ANO3: variants seen among roughly 807,000 people sequenced by gnomAD.
The protein encoded by ANO3 is anoctamin-3.
Under a neutral mutation model 144.8 loss-of-function variants are expected in ANO3, and 99 were observed. That is an observed-to-expected ratio of 0.68 (90% CI 0.58 to 0.81). ANO3 has a LOEUF of 0.81. Ranked by LOEUF, ANO3 falls within the 30% of genes least tolerant of loss-of-function variation. The probability of loss-of-function intolerance (pLI) is 0.00; values close to 1 mark genes in which losing one functional copy is unlikely to be tolerated. For missense variants in ANO3, 905 were observed against 1,202.2 expected, an observed-to-expected ratio of 0.75 and a Z score of 3.66; for synonymous variants, 414 against 392.6, an observed-to-expected ratio of 1.05 and a Z score of -0.64.
intron 1 of ANO3, among the ~76,000 whole-genome samples, chr11:26,257,824 A>T (rs2133824659): frequency 6.6e-6 from 1 of 152,304 alleles, no homozygotes; most frequent in South Asian, 2.1e-4. Flanking sequence ...GGAGAGAAAA[A>T]TAAATATCTA....
chr11:26,578,393 C>T (rs1455584579), intron 14 of ANO3, among the ~76,000 whole-genome samples: 1 of 152,170 alleles, frequency 6.6e-6, no homozygotes, highest in Non-Finnish European at 1.5e-5. Context: ...AGACAAAGAG[C>T]TATCACTTGA....
At chr11:26,641,794 G>C in intron 21 of ANO3, 102 bp from the exon 22 acceptor site, 1 of 1,196,758 alleles carries the variant, frequency 8.4e-7, no homozygotes, top group Non-Finnish European at 1.1e-6. Flanking sequence ...CTCCAATTCC[G>C]AGGAGCTGGA....
intron 18 of ANO3, among the ~76,000 whole-genome samples, 180 bp downstream of exon 18, chr11:26,624,678 T>C (rs1259627515): frequency 6.6e-6 from 1 of 152,192 alleles, no homozygotes; most frequent in African/African-American, 2.4e-5. Flanking sequence ...AGAGAGACAA[T>C]GCATGTAGTT....
intron 1 of ANO3, among the ~76,000 whole-genome samples, chr11:26,291,818 C>T (rs755419358): frequency 3.2e-4 from 49 of 152,110 alleles, no homozygotes; most frequent in Non-Finnish European, 6.2e-4. Flanking sequence ...GTAACTCGAC[C>T]TTTCTCTCTG....
At chr11:26,430,889 A>G (rs921996463) in intron 1 of ANO3, among the ~76,000 whole-genome samples, 2 of 152,232 alleles carry the variant, frequency 1.3e-5, no homozygotes, top group Non-Finnish European at 2.9e-5. Flanking sequence ...AAAATTTTCA[A>G]GGAATTGCAC....
chr11:26,643,868 C>T (rs1389817706), intron 23 of ANO3, among the ~76,000 whole-genome samples: 1 of 152,168 alleles, frequency 6.6e-6, no homozygotes, highest in Non-Finnish European at 1.5e-5. Context: ...TTTCGCTTTC[C>T]TACCTTCTGC....
In ANO3 at chr11:26,407,062, G is replaced by GTATATA. The variant is rs1293215860; in HGVS notation, c.47-34855_47-34854insATATAT. ...TATATATATGGGTGTGTGTGTGTGT[G>GTATATA]TGTGTGTGTGTGTGTATATATATAT... On this transcript the variant is annotated intron_variant, in intron 1 of 26. Transcript: ENST00000256737. Among the ~76,000 whole-genome samples the GTATATA allele has an allele frequency of 3.0e-3, 190 of 64,160 alleles. 1 individual carries two copies. Among genetic ancestry groups the GTATATA allele is most frequent in the Middle Eastern group, 0.012 (1 of 86 alleles). 42.1% of individuals were successfully genotyped at this position (64,160 alleles called of 152,430 possible).
At chr11:26,473,718 G>T (rs1318678) in intron 4 of ANO3, among the ~76,000 whole-genome samples, 322 of 151,630 alleles carry the variant, frequency 2.1e-3, no homozygotes, top group African/African-American at 7.4e-3. Flanking sequence ...ATTAATAATT[G>T]ACAGTAAAAT....
intron 1 of ANO3, among the ~76,000 whole-genome samples, chr11:26,228,586 A>T (rs978870198): frequency 1.3e-5 from 2 of 152,154 alleles, no homozygotes; most frequent in African/African-American, 4.8e-5. Context: ...AGGAATTGAG[A>T]TGAAGAAGTT....
intron 5 of ANO3, among the ~76,000 whole-genome samples, chr11:26,512,463 G>T (rs892071015): frequency 6.6e-6 from 1 of 152,016 alleles, no homozygotes; most frequent in Non-Finnish European, 1.5e-5. Flanking sequence ...CATCATCCCC[G>T]CACCAGCCCC....
At chr11:26,378,410 A>C (rs1856476158) in intron 1 of ANO3, among the ~76,000 whole-genome samples, 2 of 53,122 alleles carry the variant, frequency 3.8e-5, no homozygotes, top group Admixed American at 3.1e-4. Context: ...ATCTATCTAT[A>C]TATATTATTT....
intron 1 of ANO3, among the ~76,000 whole-genome samples, chr11:26,405,328 C>T (rs1000087413): frequency 6.6e-6 from 1 of 151,800 alleles, no homozygotes; most frequent in Non-Finnish European, 1.5e-5. Context: ...AGCTTCCATT[C>T]TTCATCTCAC....
At chr11:26,468,144 G>C (rs7119659) in intron 4 of ANO3, among the ~76,000 whole-genome samples, 39,724 of 151,648 alleles carry the variant, frequency 0.26, 5,535 homozygotes, top group South Asian at 0.4. Context: ...CAATTTACAG[G>C]GATTATCTAT....
intron 1 of ANO3, among the ~76,000 whole-genome samples, chr11:26,345,581 C>T (rs992067907): frequency 2.0e-5 from 3 of 151,978 alleles, no homozygotes; most frequent in Non-Finnish European, 4.4e-5. Flanking sequence ...CAAAAAATAT[C>T]CTTGATGTGA....
rs72470838 is a variant in ANO3 at position 26,316,678 on chromosome 11, C to T, written c.-3+6959C>T. Among the ~76,000 whole-genome samples the T allele has an allele frequency of 8.3e-4, 126 of 152,260 alleles. 2 individuals carry two copies. The East Asian group carries it at 0.024, about 28-fold the overall frequency. On this transcript the variant is annotated intron_variant, in intron 1 of 26. Transcript: ENST00000525139. ...TGGCAAGGTAAGTGTGTTTATAGCC[C>T]TATCTTATCCATATGAACAGGTGCC...
At chr11:26,411,432 A>C (rs1857429199) in intron 1 of ANO3, among the ~76,000 whole-genome samples, 1 of 151,948 alleles carries the variant, frequency 6.6e-6, no homozygotes, top group Non-Finnish European at 1.5e-5. Flanking sequence ...AATTTTCTGA[A>C]GGCATGCCAG....
chr11:26,215,405 T>C (rs1194779954), intron 1 of ANO3, among the ~76,000 whole-genome samples: 1 of 152,054 alleles, frequency 6.6e-6, no homozygotes, highest in African/African-American at 2.4e-5. Flanking sequence ...CTGGGAGCTG[T>C]TTCAGTTGGC....
chr11:26,236,678 C>T (rs1033305595), intron 1 of ANO3, among the ~76,000 whole-genome samples: 3 of 151,850 alleles, frequency 2.0e-5, no homozygotes, highest in Non-Finnish European at 2.9e-5. Context: ...ATTAGCCGGG[C>T]ATGGTGGCGG....
chr11:26,329,315 CACACACACACACAGAGAG>C (rs375413206), upstream of ANO3, among the ~76,000 whole-genome samples: 5,191 of 83,352 alleles, frequency 0.062, 316 homozygotes, highest in African/African-American at 0.13. Context: ...CACACACACA[CACACACACACACAGAGAG>C]AGAGAGAGAG....
Sources: allele counts gnomAD v4.1 joint callset (sites outside exome capture counted in the v4.1 genomes callset), GRCh38; gene constraint gnomAD v4.1.1; transcripts MANE v1.5; gene names NCBI Gene and HGNC (gene_info 2026-07-23, HGNC 2026-07-21).